Variants in AP3S2 observed in about 807,000 individuals in gnomAD.
AP3S2 encodes adaptor related protein complex 3 subunit sigma 2.
AP3S2 carries 22 observed loss-of-function variants against 23.4 expected under a neutral mutation model. That is an observed-to-expected ratio of 0.94 (90% CI 0.67 to 1.34). The LOEUF (loss-of-function observed/expected upper bound fraction) is 1.34, where lower values mean the gene tolerates loss of function less well. Among genes scored for constraint, AP3S2 ranks in the 40% most tolerant of loss-of-function variants. The pLI is 0.00. For missense variants in AP3S2, 241 were observed against 236.9 expected (o/e 1.02, Z -0.11); for synonymous variants, 86 against 87.1 (o/e 0.99, Z 0.07).
chr15:89,848,864 C>T (rs575908991), intron 4 of AP3S2: 1 of 152,216 alleles, frequency 6.6e-6, no homozygotes, highest in East Asian at 1.9e-4. Context: ...GACTCTAGTT[C>T]CCATATTATA....
chr15:89,857,231 C>T (rs529526948), intron 4 of AP3S2, among the ~76,000 whole-genome samples: 10 of 152,282 alleles, frequency 6.6e-5, no homozygotes, highest in African/African-American at 2.4e-4. Context: ...ATCCATCCAC[C>T]TCGGCCTCCC....
chr15:89,852,979 G>A (rs1000487629), intron 4 of AP3S2, among the ~76,000 whole-genome samples: 8 of 152,130 alleles, frequency 5.3e-5, no homozygotes, highest in Non-Finnish European at 7.4e-5. Context: ...ACATAAGAAG[G>A]GGCTGCAGCT....
intron 4 of AP3S2, among the ~76,000 whole-genome samples, chr15:89,851,629 G>A (rs1337518926): frequency 6.6e-6 from 1 of 152,048 alleles, no homozygotes; most frequent in East Asian, 1.9e-4. Context: ...GAGCCACCGC[G>A]CCCAACTCAA....
intron 5 of AP3S2, among the ~76,000 whole-genome samples, chr15:89,835,908 G>A (rs1459507083): frequency 6.6e-6 from 1 of 151,898 alleles, no homozygotes; most frequent in African/African-American, 2.4e-5. Context: ...GGCCCCTGTA[G>A]TCCCAGCTAC....
At chr15:89,887,003 C>A (rs1896716155) in intron 3 of AP3S2, among the ~76,000 whole-genome samples, 1 of 152,168 alleles carries the variant, frequency 6.6e-6, no homozygotes, top group South Asian at 2.1e-4. Flanking sequence ...ACCATGCTGA[C>A]CACGTTGGTC....
At chr15:89,868,035 G>A (rs1896190513) in intron 4 of AP3S2, among the ~76,000 whole-genome samples, 1 of 137,494 alleles carries the variant, frequency 7.3e-6, no homozygotes, top group Admixed American at 6.9e-5. Flanking sequence ...CAGGAGGTGA[G>A]GGGCGCCTCT....
chr15:89,879,231 A>T (rs931039428), intron 3 of AP3S2, among the ~76,000 whole-genome samples: 18 of 152,270 alleles, frequency 1.2e-4, no homozygotes, highest in African/African-American at 4.3e-4. Context: ...AAACAGATAC[A>T]TTCTTATTAC....
intron 4 of AP3S2, among the ~76,000 whole-genome samples, chr15:89,860,263 T>C (rs1171090694): frequency 6.6e-6 from 1 of 152,200 alleles, no homozygotes; most frequent in African/African-American, 2.4e-5. Context: ...GTCTAATTTG[T>C]AAATTAGGCA....
chr15:89,886,188 A>G (rs1304110914), intron 3 of AP3S2, among the ~76,000 whole-genome samples: 8 of 152,020 alleles, frequency 5.3e-5, no homozygotes, highest in Admixed American at 4.6e-4. Flanking sequence ...GTCGCTACTA[A>G]AACTACAAAA....
At chr15:89,859,972 G>T (rs1404251210) in intron 4 of AP3S2, among the ~76,000 whole-genome samples, 1 of 151,898 alleles carries the variant, frequency 6.6e-6, no homozygotes, top group Non-Finnish European at 1.5e-5. Context: ...CACCGTGTTA[G>T]CCAGGTTGGT....
intron 4 of AP3S2, among the ~76,000 whole-genome samples, chr15:89,843,589 C>T (rs1488256164): frequency 1.3e-5 from 2 of 152,064 alleles, no homozygotes; most frequent in African/African-American, 2.4e-5. Flanking sequence ...GAGCTGAGAT[C>T]GCACCATTGT....
rs530614379 is a variant in AP3S2, at chr15:89,858,124, G to T, written c.345+13351C>A. Among the ~76,000 whole-genome samples, 3 of 152,160 alleles carry T rather than the reference G, an allele frequency of 2.0e-5. No homozygotes were observed. In the South Asian group the frequency reaches 6.2e-4, roughly 32 times the overall value. On this transcript the variant is annotated intron_variant, in intron 4 of 5. Coordinates refer to ENST00000336418, the MANE Select transcript of AP3S2 (RefSeq NM_005829.5). ...GATACAAAAATCAAGCCTGGAAAAG[G>T]GTTCTTAGTTAGGAATCAAGAGATT...
chr15:89,876,283 G>A (rs1327088277), intron 3 of AP3S2, among the ~76,000 whole-genome samples: 1 of 152,174 alleles, frequency 6.6e-6, no homozygotes, highest in African/African-American at 2.4e-5. Context: ...GCCAGGCGTG[G>A]TGATGCATGT....
chr15:89,841,664 A>G (rs1252337600), intron 4 of AP3S2, among the ~76,000 whole-genome samples: 23 of 152,158 alleles, frequency 1.5e-4, no homozygotes, highest in Admixed American at 1.3e-3. Flanking sequence ...GCCTATCTCG[A>G]TTGGCTGGCT....
chr15:89,841,850 A>G (rs1305898176), intron 4 of AP3S2, among the ~76,000 whole-genome samples: 1 of 152,214 alleles, frequency 6.6e-6, no homozygotes, highest in Non-Finnish European at 1.5e-5. Flanking sequence ...ATCTATATAA[A>G]TATACAACGA....
intron 3 of AP3S2, among the ~76,000 whole-genome samples, chr15:89,874,689 G>A (rs981006544): frequency 3.3e-5 from 5 of 152,168 alleles, no homozygotes; most frequent in African/African-American, 1.2e-4. Context: ...GGCTGAGGTG[G>A]GAGGATTGCT....
At position 89,859,399 on chromosome 15, in the gene AP3S2, C is replaced by CTT. The variant is rs58123055; in HGVS notation, c.345+12074_345+12075dup. Among the ~76,000 whole-genome samples, 11 of 118,036 alleles carry CTT rather than the reference C, an allele frequency of 9.3e-5. 2 individuals carry two copies. Among genetic ancestry groups the CTT allele is most frequent in the Admixed American group, 3.0e-4 (3 of 10,072 alleles). The allele number at this position is 118,036 out of a possible 152,430, so 77.4% of individuals were successfully genotyped here. A position where few individuals can be genotyped will look rare whatever the true frequency, so the allele number is the denominator to read the frequency against. ...CTTCCTTCCTTCCTTTTCTTTCTTT[C>CTT]TTTTTTTTTTTTGAGATGGAGTCCT... On this transcript the variant is annotated intron_variant, in intron 4 of 5. Transcript: ENST00000336418.
chr15:89,874,928 C>A (rs530669533), intron 3 of AP3S2, among the ~76,000 whole-genome samples: 2 of 152,060 alleles, frequency 1.3e-5, no homozygotes. Flanking sequence ...GGGGAAAAGA[C>A]AAGCTAACTG....
chr15:89,865,015 AG>A (rs1346993352), intron 4 of AP3S2, among the ~76,000 whole-genome samples: 1 of 152,208 alleles, frequency 6.6e-6, no homozygotes, highest in African/African-American at 2.4e-5. Flanking sequence ...CATACCTACT[AG>A]CTGGATAAAA....
Sources: allele counts gnomAD v4.1 joint callset (sites outside exome capture counted in the v4.1 genomes callset), GRCh38; gene constraint gnomAD v4.1.1; transcripts MANE v1.5; gene names NCBI Gene and HGNC (gene_info 2026-07-23, HGNC 2026-07-21).